Variants in NEBL observed in about 807,000 individuals in gnomAD.
NEBL encodes the protein nebulette, also known as LIM and SH3 protein 2.
A neutral mutation model predicts 140.2 loss-of-function variants in NEBL; 122 were observed. The observed-to-expected ratio is 0.87, with a 90% confidence interval of 0.75 to 1.01. NEBL has a LOEUF of 1.01. Among genes scored for constraint, NEBL ranks in the 50% least tolerant of loss-of-function variants. NEBL has a pLI of 0.00. For missense variants in NEBL, 1,365 were observed against 1,231.3 expected (o/e 1.11, Z -1.62); for synonymous variants, 436 against 398.9 (o/e 1.09, Z -1.11).
intron 26 of NEBL, chr10:20,793,470 TC>T: frequency 3.1e-6 from 1 of 325,494 alleles, no homozygotes; most frequent in Non-Finnish European, 4.4e-6. Flanking sequence ...GACGTTCAGG[TC>T]CCCCACACCA....
intron 26 of NEBL, among the ~76,000 whole-genome samples, chr10:20,801,793 T>C (rs1443189126): frequency 6.6e-6 from 1 of 152,116 alleles, no homozygotes; most frequent in Non-Finnish European, 1.5e-5. Flanking sequence ...CAGAATGTAC[T>C]GAAGCATCTC....
chr10:20,819,358 G>A (rs906130401), intron 20 of NEBL, 66 bp downstream of exon 20: 1 of 1,609,988 alleles, frequency 6.2e-7, no homozygotes, highest in Non-Finnish European at 8.5e-7. Flanking sequence ...GCCTTCCAAA[G>A]GGCATATTTT....
At chr10:20,914,922 A>C (rs1047147170) in intron 4 of NEBL, among the ~76,000 whole-genome samples, 1 of 149,952 alleles carries the variant, frequency 6.7e-6, no homozygotes, top group African/African-American at 2.5e-5. Flanking sequence ...CAGTGGCACA[A>C]TCTTGACTCA....
rs554671687 is a variant in NEBL at position 21,061,291 on chromosome 10, A to G, written c.165-41090T>C. Among the ~76,000 whole-genome samples the G allele has an allele frequency of 6.1e-5, 9 of 147,908 alleles. No individual in the cohort carries two copies. The East Asian group carries it at 1.8e-3, about 29-fold the overall frequency. ...CATATTACATATTATGTGATATGTA[A>G]CATATTACATATTATGTGATATGTA... On this transcript the variant is annotated intron_variant, in intron 2 of 6. Transcript: ENST00000417816.
chr10:21,100,433 G>A (rs1372256895), intron 2 of NEBL, among the ~76,000 whole-genome samples: 2 of 152,202 alleles, frequency 1.3e-5, no homozygotes, highest in East Asian at 3.9e-4. Flanking sequence ...AGAGCTGGAA[G>A]AATCGATGTT....
At chr10:21,237,372 T>C (rs541351805) in intron 3 of NEBL, among the ~76,000 whole-genome samples, 7 of 151,384 alleles carry the variant, frequency 4.6e-5, no homozygotes, top group Non-Finnish European at 1.0e-4. Context: ...ACCTGGCTAA[T>C]GTTTGTATTT....
Position 21,277,991 on chromosome 10 carries a change from G to C in NEBL, n.182+14839C>G, listed in dbSNP as rs138666678. ...ATTCAATGACAAAAGACCCCTTGAG[G>C]CTTCGCCTAGTTATCTGGAAAGCAG... On this transcript the variant is annotated intron_variant and non_coding_transcript_variant, in intron 1 of 8. Coordinates refer to the NEBL transcript ENST00000675702. Among the ~76,000 whole-genome samples, 436 of 152,282 alleles carry C rather than the reference G, an allele frequency of 2.9e-3. 5 individuals are homozygous for C. The highest frequency in any genetic ancestry group is 0.01 in the African/African-American group (426 of 41,556).
At chr10:21,230,205 G>T (rs577694078) in intron 3 of NEBL, among the ~76,000 whole-genome samples, 41 of 152,278 alleles carry the variant, frequency 2.7e-4, no homozygotes, top group African/African-American at 8.4e-4. Context: ...GAAATATAAA[G>T]AATATGGGCT....
Position 20,857,980 on chromosome 10 carries a change from G to A in NEBL, c.903+260C>T, listed in dbSNP as rs71524337. 4.4e-3 allele frequency among the ~76,000 whole-genome samples: 663 copies of A among 152,246 alleles called. 6 individuals are homozygous for A. Among genetic ancestry groups the A allele is most frequent in the African/African-American group, 0.015 (624 of 41,554 alleles). On this transcript the variant is annotated intron_variant, in intron 9 of 27. Transcript: ENST00000377122. ...CAGATGAAGTAAGGGAAAGAAGAATGATGGAAAGGCCACTGTGCAGACACT... is the reference window on the plus strand; with the variant it reads ...CAGATGAAGTAAGGGAAAGAAGAATAATGGAAAGGCCACTGTGCAGACACT...
chr10:21,059,142 C>T (rs1323652764), intron 2 of NEBL, among the ~76,000 whole-genome samples: 1 of 152,238 alleles, frequency 6.6e-6, no homozygotes. Flanking sequence ...CCCCAGCAGT[C>T]GGGGTGAAGC....
intron 13 of NEBL, among the ~76,000 whole-genome samples, chr10:20,836,549 GAGAC>G (rs1225983325): frequency 1.3e-5 from 2 of 152,138 alleles, no homozygotes; most frequent in Admixed American, 6.6e-5. Context: ...TGTTACTATT[GAGAC>G]AGACAGATAG....
chr10:20,866,695 C>A (rs1844329340), intron 7 of NEBL, among the ~76,000 whole-genome samples: 1 of 152,144 alleles, frequency 6.6e-6, no homozygotes, highest in South Asian at 2.1e-4. Context: ...TACACATGAA[C>A]CTTCTAAGGA....
In NEBL at chr10:20,812,880, C is replaced by T. The variant is rs774594552; in HGVS notation, c.2407G>A (p.Asp803Asn). 16 of 1,613,964 alleles carry T rather than the reference C, an allele frequency of 9.9e-6. No individual in the cohort carries two copies. The highest frequency in any genetic ancestry group is 3.3e-5 in the Admixed American group (2 of 60,002). Residue 803 changes from aspartate (D) to asparagine (N), a missense_variant, in exon 24 of 28, where the codon GAT becomes AAT. This residue lies in a region of NEBL where 1,323 missense variants were observed against 1,154.8 expected (regional missense o/e 1.15). Transcript: ENST00000377122. Reference protein sequence around the residue: ...KGRGFTPVVDDPVTERVRKNT... With the variant: ...KGRGFTPVVDNPVTERVRKNT... ...TTCCTCACTCTCTCTGTCACAGGAT[C>T]GTCCACGACGGGAGTAAAGCCTCTC... is the stretch of plus-strand genomic sequence containing the variant.
intron 1 of NEBL, chr10:21,172,563 T>A: frequency 1.1e-6 from 1 of 897,574 alleles, no homozygotes; most frequent in South Asian, 1.4e-5. Context: ...TTTTAGTGCA[T>A]CACAGTCCCT....
intron 3 of NEBL, among the ~76,000 whole-genome samples, chr10:21,018,580 C>G (rs539467147): frequency 6.6e-6 from 1 of 152,264 alleles, no homozygotes; most frequent in African/African-American, 2.4e-5. Context: ...ACAGTAAATT[C>G]CACTTGGAGA....
At position 20,784,536 on chromosome 10, in the gene NEBL, C is replaced by T. The variant is rs895348442; in HGVS notation, c.*1211G>A. On this transcript the variant is annotated 3_prime_UTR_variant, in exon 28 of 28. Transcript: ENST00000377122. ...GGAAAAGGACGTCTTTTGATTAACCCGTTTTGGTGGCTAGATTTCCATTCC... is the reference window on the plus strand; with the variant it reads ...GGAAAAGGACGTCTTTTGATTAACCTGTTTTGGTGGCTAGATTTCCATTCC... The T allele has an allele frequency of 7.9e-5, 12 of 152,088 alleles. No homozygotes were observed. Among genetic ancestry groups the T allele is most frequent in the Admixed American group, 3.3e-4 (5 of 15,264 alleles). The allele number at this position is 152,088 out of a possible 1,614,324, so 9.4% of individuals were successfully genotyped here.
chr10:21,113,081 GGAGAAT>G (rs1241291719), intron 2 of NEBL: 2 of 223,068 alleles, frequency 9.0e-6, no homozygotes, highest in Admixed American at 1.1e-4. Flanking sequence ...AGAAAGAGAA[GGAGAAT>G]AAGAATAAGA....
At chr10:20,934,721 G>T (rs1834385752) in intron 4 of NEBL, among the ~76,000 whole-genome samples, 1 of 152,106 alleles carries the variant, frequency 6.6e-6, no homozygotes, top group Non-Finnish European at 1.5e-5. Context: ...AAGCTGTGTT[G>T]GTTTGTAGTG....
chr10:21,032,340 A>C (rs973900661), intron 2 of NEBL, among the ~76,000 whole-genome samples: 1 of 152,200 alleles, frequency 6.6e-6, no homozygotes, highest in Non-Finnish European at 1.5e-5. Flanking sequence ...AGCACCATTC[A>C]ACATCAGCCA....
Sources: allele counts gnomAD v4.1 joint callset (sites outside exome capture counted in the v4.1 genomes callset), GRCh38; gene constraint gnomAD v4.1.1; regional missense constraint gnomAD v4.1.1; transcripts MANE v1.5; gene names NCBI Gene and HGNC (gene_info 2026-07-23, HGNC 2026-07-21).